The following ZNF385D variants were observed in gnomAD, a reference collection of about 807,000 sequenced individuals.
ZNF385D encodes zinc finger protein 659.
Under a neutral mutation model 35.8 loss-of-function variants are expected in ZNF385D, and 15 were observed. The observed-to-expected ratio is 0.42, with a 90% confidence interval of 0.28 to 0.64. ZNF385D has a LOEUF of 0.64. ZNF385D is among the 30% of genes least tolerant of loss of function. The pLI is 0.23. For synonymous variants in ZNF385D, 212 were observed against 186.8 expected (o/e 1.13, Z -1.10); for missense variants, 474 against 494.6 (o/e 0.96, Z 0.39).
chr3:22,086,618 T>C (rs1701059576), intron 3 of ZNF385D, among the ~76,000 whole-genome samples: 1 of 152,162 alleles, frequency 6.6e-6, no homozygotes, highest in Admixed American at 6.5e-5. Flanking sequence ...AAAATGGTCA[T>C]AATACCCAAG....
At chr3:21,878,164 G>C (rs1270149338) in intron 3 of ZNF385D, 1 of 151,910 alleles carries the variant, frequency 6.6e-6, no homozygotes, top group East Asian at 1.9e-4. Flanking sequence ...ACTTCCTGAG[G>C]AGATATTATT....
rs576386621 is a variant in ZNF385D, at chr3:21,810,998, G to GTGTGTGTA, written c.326-145971_326-145970insTACACACA. On this transcript the variant is annotated intron_variant, in intron 3 of 5. Transcript: ENST00000494108. ...TGTGTGTGTGTGTGTGTGTGTGTGT[G>GTGTGTGTA]TATATATATATACATTTTAAGTAAG... Among the ~76,000 whole-genome samples, 655 of 144,494 alleles carry GTGTGTGTA rather than the reference G, an allele frequency of 4.5e-3. 3 individuals carry two copies. Among genetic ancestry groups the GTGTGTGTA allele is most frequent in the South Asian group, 0.021 (93 of 4,528 alleles). 94.8% of individuals were successfully genotyped at this position (144,494 alleles called of 152,430 possible).
At chr3:21,879,292 G>A (rs1308494974) in intron 3 of ZNF385D, among the ~76,000 whole-genome samples, 2 of 151,978 alleles carry the variant, frequency 1.3e-5, no homozygotes, top group East Asian at 1.9e-4. Flanking sequence ...AACTAGTGTT[G>A]TCTAAGTGAC....
intron 3 of ZNF385D, among the ~76,000 whole-genome samples, chr3:21,992,154 C>G (rs1393621568): frequency 6.6e-6 from 1 of 152,064 alleles, no homozygotes; most frequent in Non-Finnish European, 1.5e-5. Context: ...ATTTTTACCT[C>G]CACTCTAACC....
intron 3 of ZNF385D, among the ~76,000 whole-genome samples, chr3:21,876,523 T>A (rs546447730): frequency 6.6e-6 from 1 of 151,986 alleles, no homozygotes; most frequent in African/African-American, 2.4e-5. Flanking sequence ...TACTTTCTCA[T>A]GTTTTCATTT....
intron 2 of ZNF385D, among the ~76,000 whole-genome samples, chr3:21,654,731 GT>G (rs1376269222): frequency 1.3e-5 from 2 of 151,962 alleles, no homozygotes; most frequent in Non-Finnish European, 2.9e-5. Context: ...TTCTTGATTG[GT>G]TTTCAAAGAT....
At chr3:21,848,591 G>A (rs200537485) in intron 3 of ZNF385D, among the ~76,000 whole-genome samples, 1 of 151,962 alleles carries the variant, frequency 6.6e-6, no homozygotes, top group Non-Finnish European at 1.5e-5. Flanking sequence ...AGAATCAAAA[G>A]AGACTAATGT....
At chr3:22,328,947 G>A (rs1575129600) in intron 2 of ZNF385D, among the ~76,000 whole-genome samples, 3 of 151,640 alleles carry the variant, frequency 2.0e-5, no homozygotes, top group African/African-American at 7.3e-5. Flanking sequence ...CGTGGTAGCG[G>A]GCGCCTGTAG....
chr3:22,336,872 T>C (rs1695180231), intron 2 of ZNF385D, among the ~76,000 whole-genome samples: 1 of 101,912 alleles, frequency 9.8e-6, no homozygotes, highest in Non-Finnish European at 1.8e-5. Flanking sequence ...TGGTAATGAA[T>C]GACATCCTTG....
intron 4 of ZNF385D, among the ~76,000 whole-genome samples, chr3:21,497,469 C>A (rs1210178680): frequency 6.6e-6 from 1 of 152,138 alleles, no homozygotes; most frequent in African/African-American, 2.4e-5. Context: ...GGCCAGACTG[C>A]CCAAAACAAT....
chr3:21,624,644 C>T (rs2065087640), intron 2 of ZNF385D, among the ~76,000 whole-genome samples: 2 of 151,970 alleles, frequency 1.3e-5, no homozygotes, highest in Admixed American at 1.3e-4. Flanking sequence ...CTACCTAGAA[C>T]TTAGGAAGGA....
chr3:21,859,454 T>C (rs1282285781), intron 3 of ZNF385D, among the ~76,000 whole-genome samples: 3 of 151,578 alleles, frequency 2.0e-5, no homozygotes, highest in Admixed American at 6.6e-5. Context: ...ACACTTGCCC[T>C]GTTTTCATGG....
At chr3:21,623,544 G>T (rs946794368) in intron 2 of ZNF385D, among the ~76,000 whole-genome samples, 1 of 152,012 alleles carries the variant, frequency 6.6e-6, no homozygotes, top group African/African-American at 2.4e-5. Context: ...TCAGGAGGCA[G>T]AAGTGGGAAA....
chr3:21,835,323 T>C (rs1695265192), intron 3 of ZNF385D, among the ~76,000 whole-genome samples: 1 of 151,884 alleles, frequency 6.6e-6, no homozygotes, highest in Non-Finnish European at 1.5e-5. Flanking sequence ...ACTATGCAAG[T>C]ATGTAGCAAA....
intron 3 of ZNF385D, among the ~76,000 whole-genome samples, chr3:22,137,010 T>C (rs773956827): frequency 6.6e-6 from 1 of 152,134 alleles, no homozygotes; most frequent in Admixed American, 6.6e-5. Flanking sequence ...TGGATATATA[T>C]CATTTAGCAT....
chr3:21,516,165 C>T (rs909595448), intron 3 of ZNF385D, among the ~76,000 whole-genome samples: 1 of 152,184 alleles, frequency 6.6e-6, no homozygotes, highest in Non-Finnish European at 1.5e-5. Context: ...AAAACACCAA[C>T]CTCAGAGTCT....
At chr3:22,319,851 T>TA (rs1001953479) in intron 2 of ZNF385D, among the ~76,000 whole-genome samples, 8 of 151,742 alleles carry the variant, frequency 5.3e-5, no homozygotes, top group African/African-American at 1.9e-4. Context: ...CTTCTGAAAA[T>TA]TTTTTTTTAA....
intron 3 of ZNF385D, among the ~76,000 whole-genome samples, chr3:22,009,961 T>C (rs574691803): frequency 1.3e-5 from 2 of 151,694 alleles, no homozygotes. Context: ...ATGATAAGAA[T>C]AGAAACAGTA....
chr3:21,511,766 T>C (rs1279481845), intron 3 of ZNF385D: 3 of 456,368 alleles, frequency 6.6e-6, no homozygotes, highest in East Asian at 6.9e-5. Flanking sequence ...ATCTGAGATA[T>C]ATAGAGAGAG....
Sources: allele counts gnomAD v4.1 joint callset (sites outside exome capture counted in the v4.1 genomes callset), GRCh38; gene constraint gnomAD v4.1.1; transcripts MANE v1.5; gene names NCBI Gene and HGNC (gene_info 2026-07-23, HGNC 2026-07-21).